CD86: variants seen among roughly 807,000 people sequenced by gnomAD.
CD86 encodes T-lymphocyte activation antigen CD86.
CD86 carries 11 observed loss-of-function variants against 32.1 expected under a neutral mutation model. The observed-to-expected ratio is 0.34, with a 90% CI of 0.22 to 0.57. The LOEUF (loss-of-function observed/expected upper bound fraction) is 0.57, where lower values mean the gene tolerates loss of function less well. CD86 is among the 20% of genes least tolerant of loss of function. The pLI, the probability that CD86 is intolerant of heterozygous loss-of-function variation, is 0.86. For missense variants in CD86, 359 were observed against 398.4 expected, an observed-to-expected ratio of 0.90 and a Z score of 0.84; for synonymous variants, 137 against 135.3, an observed-to-expected ratio of 1.01 and a Z score of -0.09.
intron 1 of CD86, among the ~76,000 whole-genome samples, chr3:122,066,250 C>T (rs187978934): frequency 6.6e-6 from 1 of 152,228 alleles, no homozygotes; most frequent in Non-Finnish European, 1.5e-5. Flanking sequence ...GTTTCTTTGT[C>T]ACTTAGAAGG....
intron 1 of CD86, among the ~76,000 whole-genome samples, chr3:122,089,190 T>C (rs2072773087): frequency 6.6e-6 from 1 of 152,196 alleles, no homozygotes; most frequent in Non-Finnish European, 1.5e-5. Context: ...AGAAGAGTTA[T>C]TGTTTAATAG....
intron 2 of CD86, among the ~76,000 whole-genome samples, chr3:122,101,622 T>G (rs1047767054): frequency 6.7e-6 from 1 of 149,552 alleles, no homozygotes; most frequent in African/African-American, 2.5e-5. Flanking sequence ...AGTAATAACA[T>G]AACATTGACT....
At chr3:122,118,403 C>T (rs959743071) in intron 6 of CD86, among the ~76,000 whole-genome samples, 2 of 152,172 alleles carry the variant, frequency 1.3e-5, no homozygotes, top group Non-Finnish European at 2.9e-5. Context: ...GTACCTGGCA[C>T]AGTGCCTAGA....
intron 2 of CD86, among the ~76,000 whole-genome samples, chr3:122,102,406 CTTTTTTTTTTT>C (rs1011413952): frequency 2.3e-4 from 13 of 56,158 alleles, no homozygotes; most frequent in South Asian, 1.9e-3. Context: ...CCACTGCTTA[CTTTTTTTTTTT>C]TTTTTTTTTT....
intron 4 of CD86, among the ~76,000 whole-genome samples, chr3:122,108,503 T>A (rs981145443): frequency 2.0e-5 from 3 of 152,140 alleles, no homozygotes; most frequent in African/African-American, 7.2e-5. Context: ...GGTCCTAATT[T>A]TCCTGAAATT....
At chr3:122,058,540 A>G (rs2072276019) in intron 1 of CD86, among the ~76,000 whole-genome samples, 1 of 152,170 alleles carries the variant, frequency 6.6e-6, no homozygotes, top group Non-Finnish European at 1.5e-5. Flanking sequence ...TAAAGTCTCA[A>G]GACCTGGGTA....
chr3:122,101,885 A>G (rs1299862493), intron 2 of CD86, among the ~76,000 whole-genome samples: 1 of 152,054 alleles, frequency 6.6e-6, no homozygotes, highest in Admixed American at 6.6e-5. Context: ...GGGTACGCAT[A>G]TAGATTTTCC....
intron 1 of CD86, among the ~76,000 whole-genome samples, chr3:122,065,135 C>T (rs898966859): frequency 6.6e-5 from 10 of 152,082 alleles, no homozygotes; most frequent in Non-Finnish European, 2.9e-5. Flanking sequence ...ACAACACAAC[C>T]AGGATTCCAA....
In CD86 at chr3:122,106,362, T is replaced by C; in HGVS notation, c.565T>C (p.Ser189Pro). ...TIEYDGVMQKSQDNVTELYDV... is the reference protein window; with the variant it reads ...TIEYDGVMQKPQDNVTELYDV... Reference sequence around the variant, plus strand: ...CGAGTATGATGGTGTTATGCAGAAATCTCAAGATAATGTCACAGAACTGTA... The same window carrying C: ...CGAGTATGATGGTGTTATGCAGAAACCTCAAGATAATGTCACAGAACTGTA... Residue 189 changes from serine (S) to proline (P), a missense_variant, in exon 4 of 7, where the codon TCT (serine) becomes CCT (proline). Transcript: ENST00000330540. 1.2e-6 allele frequency: 2 copies of C among 1,614,148 alleles called. No individual in the cohort carries two copies. Among genetic ancestry groups the C allele is most frequent in the Non-Finnish European group, 1.7e-6 (2 of 1,179,990 alleles).
At chr3:122,063,799 ACCTTGGC>A (rs796907370) in intron 1 of CD86, among the ~76,000 whole-genome samples, 29 of 152,088 alleles carry the variant, frequency 1.9e-4, no homozygotes, top group African/African-American at 7.0e-4. Context: ...TGATCTGCCC[ACCTTGGC>A]CTTCTAAAGT....
At chr3:122,091,570 C>A (rs754362665) in intron 1 of CD86, 31 bp from the exon 2 acceptor site, 6 of 1,458,358 alleles carry the variant, frequency 4.1e-6, no homozygotes, top group South Asian at 2.3e-5. Context: ...CTTTTCTAAT[C>A]AAGTTTTACC....
At chr3:122,084,608 TG>T (rs371926340) in intron 1 of CD86, among the ~76,000 whole-genome samples, 346 of 152,264 alleles carry the variant, frequency 2.3e-3, no homozygotes, top group African/African-American at 8.1e-3. Context: ...AAGGCTCAGC[TG>T]GGACCATTGA....
At chr3:122,058,804 A>G (rs2072280989) in intron 1 of CD86, among the ~76,000 whole-genome samples, 1 of 152,158 alleles carries the variant, frequency 6.6e-6, no homozygotes, top group Admixed American at 6.5e-5. Context: ...TTGGAGTGAC[A>G]AGGAGATCAT....
chr3:122,096,696 A>C (rs145714196), intron 2 of CD86, among the ~76,000 whole-genome samples: 2 of 152,302 alleles, frequency 1.3e-5, no homozygotes, highest in Admixed American at 6.5e-5. Flanking sequence ...AGGGAAGTTA[A>C]GTAATTTGCC....
chr3:122,090,494 T>G (rs1303245057), intron 1 of CD86, among the ~76,000 whole-genome samples: 1 of 152,188 alleles, frequency 6.6e-6, no homozygotes, highest in Non-Finnish European at 1.5e-5. Flanking sequence ...CAAATTTATG[T>G]CCCCCTCAGT....
chr3:122,119,645 A>C lies in CD86; in HGVS notation c.*111A>C. ...AGGCAAAAAGACATTACCATGAGTA[A>C]TAAGGGGGCTCCAGGACTCCCTCTA... On this transcript the variant is annotated 3_prime_UTR_variant, in exon 7 of 7. Transcript: ENST00000330540. 1 of 674,342 alleles carries C rather than the reference A, an allele frequency of 1.5e-6. No homozygotes were observed. The highest frequency in any genetic ancestry group is 2.6e-6 in the Non-Finnish European group (1 of 379,330). 41.8% of individuals were successfully genotyped at this position (674,342 alleles called of 1,614,324 possible).
At chr3:122,073,521 G>T (rs1417678240) in intron 1 of CD86, among the ~76,000 whole-genome samples, 1 of 152,008 alleles carries the variant, frequency 6.6e-6, no homozygotes, top group Admixed American at 6.6e-5. Context: ...AAGGAGGAAG[G>T]GTTTTAAAAA....
In CD86 at chr3:122,110,101, G is replaced by A. The variant is rs796342961; in HGVS notation, c.847+693G>A. ...ACAATTTGGATAATATATGTACTGT[G>A]TTCTAATTTTGTTATACTAAATGTA... On this transcript the variant is annotated intron_variant, in intron 5 of 6. Coordinates refer to ENST00000330540, the MANE Select transcript of CD86 (RefSeq NM_175862.5). 3.3e-5 allele frequency among the ~76,000 whole-genome samples: 5 copies of A among 152,118 alleles called. No individual in the cohort carries two copies. The South Asian group carries it at 1.0e-3, about 32-fold the overall frequency.
At chr3:122,101,045 T>A (rs1576779899) in intron 2 of CD86, among the ~76,000 whole-genome samples, 1 of 152,002 alleles carries the variant, frequency 6.6e-6, no homozygotes, top group African/African-American at 2.4e-5. Context: ...GTTGGTGAGG[T>A]GCTATGGAGT....
Sources: gnomAD v4.1 joint callset for allele counts (sites outside exome capture counted in the v4.1 genomes callset) on GRCh38, gnomAD v4.1.1 for gene constraint, MANE v1.5 for transcripts, NCBI Gene and HGNC (gene_info 2026-07-23, HGNC 2026-07-21) for gene names.